THSD7B: variants seen among roughly 807,000 people sequenced by gnomAD.
THSD7B encodes the protein thrombospondin type-1 domain-containing protein 7B.
A neutral mutation model predicts 213.6 loss-of-function variants in THSD7B; 138 were observed. That is an observed-to-expected ratio of 0.65 (90% CI 0.56 to 0.74). The LOEUF is 0.74. THSD7B is among the 30% of genes least tolerant of loss of function. The pLI, the probability that THSD7B is intolerant of heterozygous loss-of-function variation, is 0.00. For missense variants in THSD7B, 1,931 were observed against 1,991.5 expected (o/e 0.97, Z 0.58); for synonymous variants, 742 against 687.0 (o/e 1.08, Z -1.25).
At chr2:136,982,616 G>A (rs1464099268) in intron 2 of THSD7B, among the ~76,000 whole-genome samples, 1 of 152,108 alleles carries the variant, frequency 6.6e-6, no homozygotes, top group Non-Finnish European at 1.5e-5. Flanking sequence ...GAATTGTCTT[G>A]GGAGTCTAAC....
At chr2:137,137,217 C>G (rs550005333) in intron 5 of THSD7B, among the ~76,000 whole-genome samples, 13 of 152,286 alleles carry the variant, frequency 8.5e-5, no homozygotes, top group Admixed American at 3.3e-4. Context: ...GGGTGCCTTT[C>G]AAGACACACA....
At chr2:137,553,009 G>C (rs1354902783) in intron 15 of THSD7B, among the ~76,000 whole-genome samples, 1 of 151,276 alleles carries the variant, frequency 6.6e-6, no homozygotes, top group Non-Finnish European at 1.5e-5. Flanking sequence ...CTTATGGAAA[G>C]AGCTCACAAC....
intron 15 of THSD7B, among the ~76,000 whole-genome samples, chr2:137,519,150 G>C (rs892414349): frequency 1.3e-5 from 2 of 152,094 alleles, no homozygotes; most frequent in African/African-American, 4.8e-5. Context: ...TAGTCAAGAG[G>C]GTGAGGCAGG....
chr2:137,355,260 C>T (rs1464945593), intron 12 of THSD7B, among the ~76,000 whole-genome samples: 1 of 152,046 alleles, frequency 6.6e-6, no homozygotes, highest in Non-Finnish European at 1.5e-5. Context: ...CCAACTCTAA[C>T]CCTGAAATGT....
chr2:136,904,712 A>G (rs890761485), intron 2 of THSD7B, among the ~76,000 whole-genome samples: 2 of 152,230 alleles, frequency 1.3e-5, no homozygotes, highest in African/African-American at 2.4e-5. Context: ...GGAGATCCCA[A>G]GGAACCTTCA....
intron 12 of THSD7B, among the ~76,000 whole-genome samples, chr2:137,369,153 A>ATC (rs1685486711): frequency 6.8e-6 from 1 of 147,620 alleles, no homozygotes; most frequent in South Asian, 2.1e-4. Flanking sequence ...GGGGGACCAT[A>ATC]TATATATATA....
chr2:137,351,114 G>A (rs143119897), intron 12 of THSD7B, among the ~76,000 whole-genome samples: 3 of 151,998 alleles, frequency 2.0e-5, no homozygotes, highest in East Asian at 3.9e-4. Context: ...GATGAGATCT[G>A]CTAGTCTCAT....
rs189751653 is a variant in THSD7B, at chr2:137,214,831, C to T, written c.1724-16213C>T. On this transcript the variant is annotated intron_variant, in intron 7 of 27. Coordinates refer to ENST00000409968, the MANE Select transcript of THSD7B (RefSeq NM_001316349.2). ...GCCACATTTTCTTTATCCAGTCTATCGCTGATGGGCATTTGGGTTGGTTCC... is the reference window on the plus strand; with the variant it reads ...GCCACATTTTCTTTATCCAGTCTATTGCTGATGGGCATTTGGGTTGGTTCC... Among the ~76,000 whole-genome samples the T allele has an allele frequency of 4.9e-4, 75 of 152,252 alleles. 2 individuals carry two copies. In the East Asian group the frequency reaches 0.014, roughly 29 times the overall value.
At chr2:136,980,385 C>T (rs1016844577) in intron 2 of THSD7B, among the ~76,000 whole-genome samples, 7 of 152,198 alleles carry the variant, frequency 4.6e-5, no homozygotes, top group African/African-American at 1.7e-4. Flanking sequence ...TGGCCACCCC[C>T]TCCCAACAGG....
chr2:137,238,526 T>A, intron 9 of THSD7B, among the ~76,000 whole-genome samples: 1 of 138,298 alleles, frequency 7.2e-6, no homozygotes, highest in African/African-American at 2.6e-5. Context: ...ATAATGACAC[T>A]CATCTTTCTT....
intron 15 of THSD7B, among the ~76,000 whole-genome samples, chr2:137,469,970 G>A (rs892572627): frequency 6.6e-6 from 1 of 152,122 alleles, no homozygotes; most frequent in South Asian, 2.1e-4. Context: ...GGTTAGATTT[G>A]GGGGAAAACA....
At chr2:137,506,669 G>T (rs1679842679) in intron 15 of THSD7B, among the ~76,000 whole-genome samples, 1 of 152,144 alleles carries the variant, frequency 6.6e-6, no homozygotes, top group South Asian at 2.1e-4. Flanking sequence ...TCAGAGAGTG[G>T]ACATTCTTCT....
chr2:137,370,456 C>G (rs542424397), intron 12 of THSD7B, among the ~76,000 whole-genome samples: 1 of 152,000 alleles, frequency 6.6e-6, no homozygotes, highest in Non-Finnish European at 1.5e-5. Flanking sequence ...TTTGCTTCCC[C>G]ACTCTGAATG....
At chr2:137,468,500 A>G (rs1462217306) in intron 15 of THSD7B, among the ~76,000 whole-genome samples, 1 of 151,580 alleles carries the variant, frequency 6.6e-6, no homozygotes, top group Admixed American at 6.6e-5. Flanking sequence ...CTTATCTTCT[A>G]TCGCCATTAT....
intron 14 of THSD7B, among the ~76,000 whole-genome samples, chr2:137,426,994 A>G (rs1404888746): frequency 6.6e-6 from 1 of 152,166 alleles, no homozygotes. Flanking sequence ...GGATCTTAGT[A>G]GACATTTTTT....
intron 2 of THSD7B, among the ~76,000 whole-genome samples, chr2:136,960,323 G>T (rs1046650155): frequency 6.6e-6 from 1 of 151,996 alleles, no homozygotes; most frequent in Non-Finnish European, 1.5e-5. Context: ...ATTTTTTGTA[G>T]AGATGGGGTT....
chr2:137,267,064 C>A (rs1369349238), intron 10 of THSD7B, among the ~76,000 whole-genome samples: 1 of 152,010 alleles, frequency 6.6e-6, no homozygotes, highest in Non-Finnish European at 1.5e-5. Flanking sequence ...CTAGTGTAGA[C>A]CTTCACAAAG....
chr2:137,038,113 A>G (rs1452132752), intron 2 of THSD7B, among the ~76,000 whole-genome samples: 1 of 152,150 alleles, frequency 6.6e-6, no homozygotes, highest in East Asian at 1.9e-4. Context: ...TTTGGGCCCA[A>G]ATTGGGCCTA....
chr2:137,227,727 AATT>A (rs952757616), intron 7 of THSD7B, among the ~76,000 whole-genome samples: 78 of 152,274 alleles, frequency 5.1e-4, no homozygotes, highest in African/African-American at 1.8e-3. Context: ...GGATCTGTGT[AATT>A]ATAAGTTTTT....
Sources: gnomAD v4.1 joint callset for allele counts (sites outside exome capture counted in the v4.1 genomes callset) on GRCh38, gnomAD v4.1.1 for gene constraint, MANE v1.5 for transcripts, NCBI Gene and HGNC (gene_info 2026-07-23, HGNC 2026-07-21) for gene names.